The following FAM24A variants were observed in gnomAD, a reference collection of about 807,000 sequenced individuals.
FAM24A encodes protein FAM24A.
In FAM24A, 2 loss-of-function variants were observed where a neutral mutation model predicts 2.8. That is an observed-to-expected ratio of 0.73 (90% CI 0.30 to 2.28). The LOEUF (loss-of-function observed/expected upper bound fraction) is 2.28. Among genes scored for constraint, FAM24A ranks in the 30% most tolerant of loss-of-function variants. The pLI is 0.12. For missense variants in FAM24A, 109 were observed against 132.0 expected (o/e 0.83, Z 0.85); for synonymous variants, 46 against 47.5 (o/e 0.97, Z 0.13).
chr10:122,913,048 A>G lies in FAM24A; in HGVS notation c.*94A>G. ...AAGTCAAGTTCTAGAGTGTTTACATACTATTATATAATGTACAGTGTTATT... is the reference window on the plus strand; with the variant it reads ...AAGTCAAGTTCTAGAGTGTTTACATGCTATTATATAATGTACAGTGTTATT... On this transcript the variant is annotated 3_prime_UTR_variant, in exon 3 of 3. Coordinates refer to ENST00000368894, the MANE Select transcript of FAM24A (RefSeq NM_001029888.3). The G allele has an allele frequency of 2.7e-6, 3 of 1,119,828 alleles. No homozygotes were observed. The highest frequency in any genetic ancestry group is 3.3e-5 in the South Asian group (2 of 61,166). The allele number at this position is 1,119,828 out of a possible 1,614,324, so 69.4% of individuals were successfully genotyped here. A position where few individuals can be genotyped will look rare whatever the true frequency, so the allele number is the denominator to read the frequency against.
chr10:122,912,897 G>T lies in FAM24A; in HGVS notation c.261G>T (p.Met87Ile). The T allele has an allele frequency of 6.2e-7, 1 of 1,614,068 alleles. No homozygotes were observed. Among genetic ancestry groups the T allele is most frequent in the African/African-American group, 1.3e-5 (1 of 75,040 alleles). Residue 87 changes from methionine (M) to isoleucine (I), a missense_variant, in exon 3 of 3, where the codon ATG becomes ATT. By Grantham distance (10) the Met-to-Ile change is conservative. Transcript: ENST00000368894. ...PSLQCCEGCR[M>I]HASSDSLPPC... is the part of the protein sequence containing the mutation. ...TCCAGTGCTGTGAAGGTTGTAGAAT[G>T]CATGCCAGTTCTGATTCCCTGCCAC...
At chr10:122,912,587 G>A (rs568012984) in intron 2 of FAM24A, among the ~76,000 whole-genome samples, 175 bp from the exon 3 acceptor site, 6 of 152,264 alleles carry the variant, frequency 3.9e-5, no homozygotes, top group South Asian at 2.1e-4. Flanking sequence ...TATAGCAGTC[G>A]TAGGAGAGGA....
chr10:122,912,524 G>A (rs1392718253), intron 2 of FAM24A, among the ~76,000 whole-genome samples: 1 of 151,988 alleles, frequency 6.6e-6, no homozygotes, highest in Non-Finnish European at 1.5e-5. Context: ...GTCACCAGCT[G>A]GGTGATTGCT....
intron 2 of FAM24A, among the ~76,000 whole-genome samples, chr10:122,912,156 A>T (rs1848326035): frequency 6.6e-6 from 1 of 152,172 alleles, no homozygotes; most frequent in Non-Finnish European, 1.5e-5. Context: ...AGACTGCATT[A>T]ATGAGCCTCT....
chr10:122,912,968 G>T lies in FAM24A; in HGVS notation c.*14G>T, dbSNP rs370768470. The T allele has an allele frequency of 3.2e-6, 5 of 1,577,496 alleles. No homozygotes were observed. The African/African-American group carries it at 6.9e-5, about 22-fold the overall frequency. ...GAGGGCCTCTGACTTGGGAAAGCTG[G>T]GCACAAAAATCTTCATGAGCAATAT... is the stretch of plus-strand genomic sequence containing the variant. On this transcript the variant is annotated 3_prime_UTR_variant, in exon 3 of 3. Coordinates refer to ENST00000368894, the MANE Select transcript of FAM24A (RefSeq NM_001029888.3).
At chr10:122,912,137 TCC>T (rs913912899) in intron 2 of FAM24A, among the ~76,000 whole-genome samples, 9 of 152,178 alleles carry the variant, frequency 5.9e-5, no homozygotes, top group African/African-American at 1.7e-4. Context: ...GGCTGAAGAC[TCC>T]GTAGGGAGAC....
In FAM24A at chr10:122,912,952, T is replaced by C; in HGVS notation, c.316T>C (p.Ter106ArgextTer35). The C allele has an allele frequency of 6.3e-7, 1 of 1,591,238 alleles. No individual in the cohort carries two copies. Among genetic ancestry groups the C allele is most frequent in the East Asian group, 2.2e-5 (1 of 44,678 alleles). Residue 106 changes from the stop codon to arginine (R), a stop_lost, in exon 3 of 3, where the codon TGA (stop) becomes CGA (arginine). Transcript: ENST00000368894. Reference protein sequence around the residue: ...PCCCDINEGL* With the variant: ...PCCCDINEGLR ...CTGTTGTGACATAAATGAGGGCCTC[T>C]GACTTGGGAAAGCTGGGCACAAAAA...
At chr10:122,911,568 G>C (rs1270781078) in intron 1 of FAM24A, 65 bp from the exon 2 acceptor site, 12 of 1,594,794 alleles carry the variant, frequency 7.5e-6, no homozygotes, top group African/African-American at 1.3e-5. Flanking sequence ...TCTACTAACG[G>C]AAGGTTGTTT....
Position 122,912,946 on chromosome 10 carries a change from G to A in FAM24A, c.310G>A (p.Gly104Ser), listed in dbSNP as rs1459617501. Residue 104 changes from glycine to serine, a missense_variant, in exon 3 of 3, where the codon GGC (glycine) becomes AGC (serine). Gly to Ser is a moderately conservative substitution (Grantham distance 56). Transcript: ENST00000368894. ...LPPCCCDINE[G>S]L ...ACCTTGCTGTTGTGACATAAATGAG[G>A]GCCTCTGACTTGGGAAAGCTGGGCA... The A allele has an allele frequency of 4.4e-6, 7 of 1,600,326 alleles. No homozygotes were observed. Among genetic ancestry groups the A allele is most frequent in the Non-Finnish European group, 6.0e-6 (7 of 1,174,946 alleles).
chr10:122,911,533 A>G, intron 1 of FAM24A, 100 bp from the exon 2 acceptor site: 1 of 1,524,516 alleles, frequency 6.6e-7, no homozygotes, highest in Non-Finnish European at 8.9e-7. Context: ...CTTGCAGTTT[A>G]CATGTGTCTG....
intron 1 of FAM24A, among the ~76,000 whole-genome samples, chr10:122,911,400 C>G (rs1848316629): frequency 6.6e-6 from 1 of 152,170 alleles, no homozygotes; most frequent in South Asian, 2.1e-4. Context: ...ATTCTTCCCA[C>G]TGTCTGTCAT....
intron 1 of FAM24A, 133 bp from the exon 2 acceptor site, chr10:122,911,500 C>T (rs1848317751): frequency 7.4e-7 from 1 of 1,356,894 alleles, no homozygotes; most frequent in African/African-American, 1.4e-5. Context: ...GCTTAGGATC[C>T]TAGGACTCTC....
intron 1 of FAM24A, 81 bp downstream of exon 1, chr10:122,910,900 A>T (rs1177973493): frequency 6.6e-6 from 1 of 152,228 alleles, no homozygotes; most frequent in Non-Finnish European, 1.5e-5. Context: ...AGATTAAGCA[A>T]ATTACTTATT....
At position 122,913,096 on chromosome 10, in the gene FAM24A, G is replaced by T; in HGVS notation, c.*142G>T. On this transcript the variant is annotated 3_prime_UTR_variant, in exon 3 of 3. Transcript: ENST00000368894. ...ATTTTCTGTACTTCTGAATAAATGT[G>T]CAATATTGGAAATAATCCTCTGCCT... The T allele has an allele frequency of 1.5e-6, 1 of 682,388 alleles. No individual in the cohort carries two copies. The highest frequency in any genetic ancestry group is 2.2e-6 in the Non-Finnish European group (1 of 458,580). 42.3% of individuals were successfully genotyped at this position (682,388 alleles called of 1,614,324 possible). A position where few individuals can be genotyped will look rare whatever the true frequency, so the allele number is the denominator to read the frequency against.
At position 122,912,827 on chromosome 10, in the gene FAM24A, C is replaced by T. The variant is rs138688045; in HGVS notation, c.191C>T (p.Thr64Met). ...AACCCAGACAAGGTGTGTTGGGCCA[C>T]GAACAGCCAGGCCAAAGCCACCACC... ...NHNPDKVCWATNSQAKATTME... is the reference protein window; with the variant it reads ...NHNPDKVCWAMNSQAKATTME... Residue 64 changes from threonine (T) to methionine (M), a missense_variant, in exon 3 of 3, where the codon ACG (threonine) becomes ATG (methionine). By Grantham distance (81) the Thr-to-Met change is moderately conservative. Transcript: ENST00000368894. 1.5e-5 allele frequency: 25 copies of T among 1,614,006 alleles called. No homozygotes were observed. Among genetic ancestry groups the T allele is most frequent in the South Asian group, 6.6e-5 (6 of 91,074 alleles).
rs542994209 is a variant in FAM24A, at chr10:122,912,127, G to A, written c.125+368G>A. Among the ~76,000 whole-genome samples, 4 of 152,306 alleles carry A rather than the reference G, an allele frequency of 2.6e-5. No homozygotes were observed. The East Asian group carries it at 7.7e-4, about 29-fold the overall frequency. ...GCCAGTACCTCCCCTGGGCACCGTA[G>A]GCTGAAGACTCCGTAGGGAGACTGC... On this transcript the variant is annotated intron_variant, in intron 2 of 2. Transcript: ENST00000368894.
Position 122,912,788 on chromosome 10 carries a change from C to T in FAM24A, c.152C>T (p.Ala51Val), listed in dbSNP as rs749658399. 1.1e-5 allele frequency: 18 copies of T among 1,613,414 alleles called. No individual in the cohort carries two copies. The highest frequency in any genetic ancestry group is 1.4e-5 in the Non-Finnish European group (17 of 1,179,842). ...GCTGCAAAGGACCCTGATGCTGTGG[C>T]TGTAAAAAATCACAACCCAGACAAG... ...LKAAKDPDAV[A>V]VKNHNPDKVC... Residue 51 changes from alanine to valine, a missense_variant, in exon 3 of 3, where the codon GCT becomes GTT. Transcript: ENST00000368894.
intron 2 of FAM24A, among the ~76,000 whole-genome samples, chr10:122,912,544 C>T (rs1164736052): frequency 6.6e-6 from 1 of 152,082 alleles, no homozygotes; most frequent in Non-Finnish European, 1.5e-5. Context: ...TTGCAATTCA[C>T]TTACCCTTAC....
chr10:122,911,798 A>G, intron 2 of FAM24A, 39 bp downstream of exon 2: 1 of 1,611,850 alleles, frequency 6.2e-7, no homozygotes, highest in Middle Eastern at 1.7e-4. Flanking sequence ...ACCTCCTCAA[A>G]TGGGATACCT....
Sources: gnomAD v4.1 joint callset for allele counts (sites outside exome capture counted in the v4.1 genomes callset) on GRCh38, gnomAD v4.1.1 for gene constraint, MANE v1.5 for transcripts, NCBI Gene and HGNC (gene_info 2026-07-23, HGNC 2026-07-21) for gene names.